Variants in GALNT13 observed in about 807,000 individuals in gnomAD.
GALNT13 encodes polypeptide N-acetylgalactosaminyltransferase 13.
A neutral mutation model predicts 64.2 loss-of-function variants in GALNT13; 28 were observed. The observed-to-expected ratio is 0.44, with a 90% CI of 0.32 to 0.60. GALNT13 has a LOEUF of 0.60. Among genes scored for constraint, GALNT13 ranks in the 20% least tolerant of loss-of-function variants. GALNT13 has a pLI of 0.05. For missense variants in GALNT13, 577 were observed against 669.8 expected (o/e 0.86, Z 1.53); for synonymous variants, 214 against 224.6 (o/e 0.95, Z 0.42).
the GALNT13 span, among the ~76,000 whole-genome samples, chr2:153,753,330 A>T: frequency 6.6e-6 from 1 of 152,088 alleles, no homozygotes; most frequent in South Asian, 2.1e-4. Context: ...TGGGCATTGA[A>T]GAGTTAGGTG....
the GALNT13 span, among the ~76,000 whole-genome samples, chr2:153,443,557 T>A: frequency 6.6e-6 from 1 of 152,252 alleles, no homozygotes; most frequent in Non-Finnish European, 1.5e-5. Flanking sequence ...TGAGTACTAT[T>A]TTTTATGTGC....
At chr2:153,827,838 G>A in the GALNT13 span, among the ~76,000 whole-genome samples, 2 of 152,128 alleles carry the variant, frequency 1.3e-5, no homozygotes, top group Non-Finnish European at 2.9e-5. Context: ...TTTCACCTAT[G>A]AGCCTGTAAA....
intron 3 of GALNT13, among the ~76,000 whole-genome samples, chr2:154,071,026 TC>T (rs1700714713): frequency 6.6e-6 from 1 of 152,140 alleles, no homozygotes; most frequent in South Asian, 2.1e-4. Context: ...ATAAGGTTTT[TC>T]TATAAGTTGG....
intron 8 of GALNT13, among the ~76,000 whole-genome samples, chr2:154,272,238 A>T: frequency 6.6e-6 from 1 of 152,060 alleles, no homozygotes; most frequent in East Asian, 1.9e-4. Context: ...AAAAATAAAC[A>T]ATTAACTTCT....
the GALNT13 span, among the ~76,000 whole-genome samples, chr2:153,270,489 G>A: frequency 0.1 from 15,894 of 152,206 alleles, 1,120 homozygotes; most frequent in Non-Finnish European, 0.16. Context: ...GCCCAGACGC[G>A]CACCTCCTAT....
At chr2:154,146,215 A>G (rs775945919) in intron 4 of GALNT13, among the ~76,000 whole-genome samples, 7 of 151,848 alleles carry the variant, frequency 4.6e-5, no homozygotes, top group Non-Finnish European at 8.8e-5. Context: ...GAATGTGGAT[A>G]TAAGTATTAT....
chr2:153,643,982 T>C, the GALNT13 span, among the ~76,000 whole-genome samples: 1 of 151,980 alleles, frequency 6.6e-6, no homozygotes, highest in African/African-American at 2.4e-5. Flanking sequence ...TTTAACATTC[T>C]CTTTAATATC....
the GALNT13 span, among the ~76,000 whole-genome samples, chr2:153,472,850 C>T: frequency 6.6e-6 from 1 of 152,108 alleles, no homozygotes; most frequent in Non-Finnish European, 1.5e-5. Flanking sequence ...CCACTGTTTG[C>T]AATGTGACTG....
chr2:153,333,044 C>T, the GALNT13 span, among the ~76,000 whole-genome samples: 1 of 152,176 alleles, frequency 6.6e-6, no homozygotes, highest in East Asian at 1.9e-4. Context: ...ACAGTTAGGG[C>T]TATGGAGGTC....
intron 2 of GALNT13, among the ~76,000 whole-genome samples, chr2:153,912,871 A>C (rs971856533): frequency 2.6e-5 from 4 of 152,162 alleles, no homozygotes; most frequent in African/African-American, 9.6e-5. Flanking sequence ...TGGCAGTGGA[A>C]TCTATCCTCA....
intron 3 of GALNT13, among the ~76,000 whole-genome samples, chr2:153,987,099 T>G (rs1386553416): frequency 1.3e-5 from 2 of 151,864 alleles, no homozygotes; most frequent in African/African-American, 4.8e-5. Context: ...AGAGTTGATA[T>G]CCATTTATAC....
the GALNT13 span, among the ~76,000 whole-genome samples, chr2:153,151,600 A>G: frequency 5.9e-5 from 9 of 151,956 alleles, no homozygotes; most frequent in Non-Finnish European, 2.9e-5. Flanking sequence ...ACAATGATAG[A>G]CTGGATTAAG....
At chr2:153,663,887 A>T in the GALNT13 span, among the ~76,000 whole-genome samples, 22,092 of 152,162 alleles carry the variant, frequency 0.15, 2,073 homozygotes, top group East Asian at 0.49. Context: ...AAAACAGCAC[A>T]GCCTCCTTAA....
At chr2:154,345,960 A>G (rs1166072607) in intron 9 of GALNT13, among the ~76,000 whole-genome samples, 1 of 152,066 alleles carries the variant, frequency 6.6e-6, no homozygotes, top group African/African-American at 2.4e-5. Context: ...TCTCTATTCA[A>G]AATTTCCATT....
chr2:153,618,090 T>G, the GALNT13 span, among the ~76,000 whole-genome samples: 18 of 151,974 alleles, frequency 1.2e-4, no homozygotes, highest in Non-Finnish European at 2.2e-4. Flanking sequence ...CTTTTGATTT[T>G]CTAGTTCTTT....
chr2:153,381,118 GTATT>G, the GALNT13 span, among the ~76,000 whole-genome samples: 17 of 151,984 alleles, frequency 1.1e-4, no homozygotes, highest in African/African-American at 4.1e-4. Flanking sequence ...GCTAATATTT[GTATT>G]TTTTTGTAGA....
the GALNT13 span, among the ~76,000 whole-genome samples, chr2:153,605,444 GA>G: frequency 6.6e-6 from 1 of 151,704 alleles, no homozygotes; most frequent in Non-Finnish European, 1.5e-5. Context: ...TTAGCACTCA[GA>G]AAAAAAATGA....
chr2:153,125,513 A>G, the GALNT13 span, among the ~76,000 whole-genome samples: 1 of 152,258 alleles, frequency 6.6e-6, no homozygotes, highest in African/African-American at 2.4e-5. Flanking sequence ...AATAGTGCGC[A>G]GGACTAAATG....
chr2:154,056,584 A>G lies in GALNT13; in HGVS notation c.143-83753A>G, dbSNP rs532176152. On this transcript the variant is annotated intron_variant, in intron 3 of 12. Transcript: ENST00000392825. ...TACTGTACTTAAAGTTTTTGACAGT[A>G]GAGCCATCATTAAATGAATGGGAGT... Among the ~76,000 whole-genome samples the G allele has an allele frequency of 3.9e-5, 6 of 152,298 alleles. No homozygotes were observed. The South Asian group carries it at 1.2e-3, about 32-fold the overall frequency.
Sources: gnomAD v4.1 joint callset for allele counts (sites outside exome capture counted in the v4.1 genomes callset) on GRCh38, gnomAD v4.1.1 for gene constraint, MANE v1.5 for transcripts, NCBI Gene and HGNC (gene_info 2026-07-23, HGNC 2026-07-21) for gene names.